Variants in ZNHIT6 observed in about 807,000 individuals in gnomAD.
ZNHIT6 encodes zinc finger HIT-type containing 6.
In ZNHIT6, 45 loss-of-function variants were observed where a neutral mutation model predicts 57.2. The observed-to-expected ratio is 0.79, with a 90% CI of 0.62 to 1.01. The LOEUF (loss-of-function observed/expected upper bound fraction) is 1.01, where lower values mean the gene tolerates loss of function less well. ZNHIT6 is among the 50% of genes least tolerant of loss of function. The probability of loss-of-function intolerance (pLI) is 0.00; values close to 1 mark genes in which losing one functional copy is unlikely to be tolerated. For missense variants in ZNHIT6, 528 were observed against 567.3 expected (o/e 0.93, Z 0.70); for synonymous variants, 188 against 190.0 (o/e 0.99, Z 0.09).
intron 8 of ZNHIT6, among the ~76,000 whole-genome samples, chr1:85,673,691 G>C (rs1168534493): frequency 6.6e-6 from 1 of 151,558 alleles, no homozygotes; most frequent in Non-Finnish European, 1.5e-5. Context: ...TTAAATTAGA[G>C]CTTAACATTT....
chr1:85,696,951 C>T (rs113706206), intron 5 of ZNHIT6, among the ~76,000 whole-genome samples: 1,924 of 150,960 alleles, frequency 0.013, 43 homozygotes, highest in African/African-American at 0.045. Context: ...AGCTCCGCCT[C>T]CCAGGTTCAC....
rs778797992 is a variant in ZNHIT6, at chr1:85,706,494, C to A, written c.670G>T (p.Gly224Cys). The change falls in exon 2 of 10, where the codon GGT becomes TGT. Residue 224 changes from glycine to cysteine, a missense_variant. Gly to Cys is a radical substitution (Grantham distance 159). Transcript: ENST00000370574. ...KLAMSRCETC[G>C]TEEAKYRCPR... ...CATCTGTACTTTGCTTCTTCTGTAC[C>A]ACAAGTCTCACACCTACAAAAGCCC... is the stretch of plus-strand genomic sequence containing the variant. 2 of 1,578,064 alleles carry A rather than the reference C, an allele frequency of 1.3e-6. No individual in the cohort carries two copies. The highest frequency in any genetic ancestry group is 1.2e-5 in the South Asian group (1 of 83,126).
chr1:85,684,608 T>C (rs1293065934), intron 5 of ZNHIT6, among the ~76,000 whole-genome samples: 2 of 152,154 alleles, frequency 1.3e-5, no homozygotes, highest in African/African-American at 4.8e-5. Flanking sequence ...GGAAAATAAA[T>C]ATTTTATACT....
chr1:85,654,052 A>C lies in ZNHIT6; in HGVS notation c.*6T>G. 6.2e-7 allele frequency: 1 copy of C among 1,611,812 alleles called. No individual in the cohort carries two copies. ...AGTTTTCACTTTCTTCTTCCAGAAA[A>C]AATGCTCAATTTTCATTGCCAACGT... On this transcript the variant is annotated 3_prime_UTR_variant, in exon 10 of 10. Transcript: ENST00000370574.
intron 8 of ZNHIT6, among the ~76,000 whole-genome samples, chr1:85,669,896 G>T (rs1342881639): frequency 6.6e-6 from 1 of 152,060 alleles, no homozygotes; most frequent in East Asian, 1.9e-4. Flanking sequence ...TATTAGCACT[G>T]GGCTAGCACA....
chr1:85,661,136 G>A (rs1661209179), intron 8 of ZNHIT6, among the ~76,000 whole-genome samples: 1 of 152,118 alleles, frequency 6.6e-6, no homozygotes, highest in Admixed American at 6.6e-5. Context: ...TTTGTAAACT[G>A]TTCATAAAGA....
intron 5 of ZNHIT6, among the ~76,000 whole-genome samples, chr1:85,685,539 C>A (rs915617910): frequency 2.0e-5 from 3 of 152,128 alleles, no homozygotes; most frequent in African/African-American, 4.8e-5. Context: ...ACGAATATGT[C>A]TGTATTATTA....
At position 85,655,604 on chromosome 1, in the gene ZNHIT6, T is replaced by C. The variant is rs115826623; in HGVS notation, c.1373-1506A>G. On this transcript the variant is annotated intron_variant, in intron 9 of 9. Transcript: ENST00000370574. ...AAGGTGCCCAGTTTTCTTCTTTGAA[T>C]AGGGTTCCATTCTTTTTTCCTTAGA... Among the ~76,000 whole-genome samples the C allele has an allele frequency of 8.2e-3, 1,246 of 152,298 alleles. 10 individuals carry two copies. Among genetic ancestry groups the C allele is most frequent in the Middle Eastern group, 0.017 (5 of 294 alleles).
intron 5 of ZNHIT6, among the ~76,000 whole-genome samples, chr1:85,701,522 ATC>A (rs1291672862): frequency 1.3e-5 from 2 of 152,302 alleles, no homozygotes; most frequent in East Asian, 1.9e-4. Context: ...CAGCAAACTA[ATC>A]TCTGTTATAT....
At chr1:85,659,732 T>A (rs914136969) in intron 8 of ZNHIT6, among the ~76,000 whole-genome samples, 4 of 152,214 alleles carry the variant, frequency 2.6e-5, no homozygotes, top group African/African-American at 9.6e-5. Flanking sequence ...TGTTCTGAGT[T>A]TGTCTCACGC....
intron 8 of ZNHIT6, among the ~76,000 whole-genome samples, chr1:85,661,053 T>G (rs1661207016): frequency 6.6e-6 from 1 of 152,180 alleles, no homozygotes; most frequent in Non-Finnish European, 1.5e-5. Context: ...AATTCTGAAT[T>G]TCTTAGATTT....
At chr1:85,669,520 A>G (rs1661492872) in intron 8 of ZNHIT6, among the ~76,000 whole-genome samples, 1 of 152,202 alleles carries the variant, frequency 6.6e-6, no homozygotes, top group Non-Finnish European at 1.5e-5. Flanking sequence ...AACTAAAACC[A>G]GCACAGGAGG....
At chr1:85,707,160 G>A (rs1251038864) in intron 1 of ZNHIT6, among the ~76,000 whole-genome samples, 1 of 152,092 alleles carries the variant, frequency 6.6e-6, no homozygotes, top group Non-Finnish European at 1.5e-5. Flanking sequence ...CACACACTAA[G>A]GAAATTCAAT....
rs1300502824 is a variant in ZNHIT6, at chr1:85,681,420, C to T, written c.1020-516G>A. 3.3e-5 allele frequency among the ~76,000 whole-genome samples: 5 copies of T among 152,298 alleles called. No homozygotes were observed. In the East Asian group the frequency reaches 9.6e-4, roughly 29 times the overall value. ...AAACTTTGGTTTGACATAGCATCAACAGCAATAACTCACTAAATGTCTGAT... is the reference window on the plus strand; with the variant it reads ...AAACTTTGGTTTGACATAGCATCAATAGCAATAACTCACTAAATGTCTGAT... On this transcript the variant is annotated intron_variant, in intron 5 of 9. Coordinates refer to ENST00000370574, the MANE Select transcript of ZNHIT6 (RefSeq NM_017953.4).
At chr1:85,707,501 G>T in intron 1 of ZNHIT6, 128 bp downstream of exon 1, 1 of 1,058,036 alleles carries the variant, frequency 9.5e-7, no homozygotes, top group South Asian at 1.9e-5. Flanking sequence ...AACGCCGTCT[G>T]ACTCCAGAAA....
chr1:85,691,009 G>A lies in ZNHIT6; in HGVS notation c.1020-10105C>T, dbSNP rs571754787. ...CCACTGCACTCCAGCCTGGGTGACA[G>A]ACCGAGACTCCATCTCAAAAAAACA... On this transcript the variant is annotated intron_variant, in intron 5 of 9. Transcript: ENST00000370574. 3.3e-5 allele frequency among the ~76,000 whole-genome samples: 5 copies of A among 152,280 alleles called. No individual in the cohort carries two copies. The East Asian group carries it at 9.7e-4, about 29-fold the overall frequency.
At chr1:85,691,266 T>C (rs955182425) in intron 5 of ZNHIT6, among the ~76,000 whole-genome samples, 7 of 152,158 alleles carry the variant, frequency 4.6e-5, no homozygotes, top group Non-Finnish European at 8.8e-5. Flanking sequence ...ATTCAAGAAA[T>C]ATTAACTATA....
chr1:85,664,951 C>A (rs1012029333), intron 8 of ZNHIT6, among the ~76,000 whole-genome samples: 1 of 152,114 alleles, frequency 6.6e-6, no homozygotes, highest in Non-Finnish European at 1.5e-5. Context: ...CCTGCCTCAG[C>A]CTCCCGAGTA....
Position 85,650,335 on chromosome 1 carries a change from GA to G in ZNHIT6, c.*3722del, listed in dbSNP as rs1364234931. The G allele has an allele frequency of 6.6e-6, 1 of 152,202 alleles. No homozygotes were observed. The highest frequency in any genetic ancestry group is 1.5e-5 in the Non-Finnish European group (1 of 68,038). 9.4% of individuals were successfully genotyped at this position (152,202 alleles called of 1,614,324 possible). On this transcript the variant is annotated 3_prime_UTR_variant, in exon 10 of 10. Transcript: ENST00000370574. The stretch of plus-strand genomic sequence containing the variant: ...TATCCCCAAAGGGAAAATCTGAAAA[GA>G]AAACCAATCCATAAAGAAGAAAATA...
Sources: allele counts gnomAD v4.1 joint callset (sites outside exome capture counted in the v4.1 genomes callset), GRCh38; gene constraint gnomAD v4.1.1; transcripts MANE v1.5; gene names NCBI Gene and HGNC (gene_info 2026-07-23, HGNC 2026-07-21).